OLAH: variants seen among roughly 807,000 people sequenced by gnomAD.
OLAH encodes the protein S-acyl fatty acid synthase thioesterase, medium chain.
Under a neutral mutation model 27.8 loss-of-function variants are expected in OLAH, and 33 were observed. The ratio of observed to expected loss-of-function variants is 1.19; its 90% CI spans 0.90 to 1.59. The LOEUF (loss-of-function observed/expected upper bound fraction) is 1.59. Ranked by LOEUF, OLAH falls within the 40% of genes most tolerant of loss-of-function variation. The probability of loss-of-function intolerance (pLI) is 0.00; values close to 1 mark genes in which losing one functional copy is unlikely to be tolerated. For missense variants in OLAH, 359 were observed against 310.8 expected (o/e 1.16, Z -1.17); for synonymous variants, 120 against 102.9 (o/e 1.17, Z -1.01).
intron 3 of OLAH, chr10:15,057,006 T>C: frequency 1.4e-6 from 2 of 1,388,314 alleles, no homozygotes; most frequent in South Asian, 1.7e-5. Flanking sequence ...GTTGAAAATG[T>C]CTTCTAGTTT....
intron 3 of OLAH, 93 bp from the exon 4 acceptor site, chr10:15,061,631 A>T (rs894237058): frequency 5.6e-6 from 7 of 1,244,842 alleles, no homozygotes; most frequent in Non-Finnish European, 5.3e-6. Flanking sequence ...TTTCTTTGAA[A>T]TTTTTTCCAT....
chr10:15,051,847 C>T (rs1015114984), intron 3 of OLAH, among the ~76,000 whole-genome samples: 3 of 152,086 alleles, frequency 2.0e-5, no homozygotes, highest in Non-Finnish European at 4.4e-5. Flanking sequence ...GTAAACGGCC[C>T]AATAGTAAAT....
chr10:15,043,096 G>A (rs972770373), upstream of OLAH, among the ~76,000 whole-genome samples: 9 of 151,858 alleles, frequency 5.9e-5, no homozygotes, highest in Non-Finnish European at 1.2e-4. Flanking sequence ...TCCTGACCTT[G>A]TGATCCACCC....
At position 15,073,699 on chromosome 10, in the gene OLAH, T is replaced by C. The variant is rs976421341; in HGVS notation, c.*470T>C. The C allele has an allele frequency of 1.3e-5, 2 of 152,026 alleles. No individual in the cohort carries two copies. The highest frequency in any genetic ancestry group is 2.9e-5 in the Non-Finnish European group (2 of 68,012). The allele number at this position is 152,026 out of a possible 1,614,324, so 9.4% of individuals were successfully genotyped here. A position where few individuals can be genotyped will look rare whatever the true frequency, so the allele number is the denominator to read the frequency against. On this transcript the variant is annotated 3_prime_UTR_variant, in exon 8 of 8. Transcript: ENST00000378228. ...AAAAAATACTTCTGGCAGAGTCTTTTATCTTCCTATTAAAATCTCACTTGA... is the reference window on the plus strand; with the variant it reads ...AAAAAATACTTCTGGCAGAGTCTTTCATCTTCCTATTAAAATCTCACTTGA...
intron 6 of OLAH, among the ~76,000 whole-genome samples, 199 bp downstream of exon 6, chr10:15,065,952 C>G (rs1231743010): frequency 1.3e-5 from 2 of 152,072 alleles, no homozygotes; most frequent in Non-Finnish European, 2.9e-5. Flanking sequence ...TAAAAGATGT[C>G]TAGCATGGCC....
intron 6 of OLAH, among the ~76,000 whole-genome samples, chr10:15,069,422 C>G (rs1327929522): frequency 6.6e-6 from 1 of 152,216 alleles, no homozygotes; most frequent in Non-Finnish European, 1.5e-5. Context: ...CAGCTTAAGG[C>G]TTCTGCTTAC....
chr10:15,072,201 G>C (rs1036712725), intron 7 of OLAH, among the ~76,000 whole-genome samples: 3 of 151,828 alleles, frequency 2.0e-5, no homozygotes, highest in Admixed American at 6.6e-5. Context: ...CAAAGTGCTG[G>C]GATTATAGGC....
upstream of OLAH, among the ~76,000 whole-genome samples, chr10:15,043,397 T>C (rs555713810): frequency 2.1e-4 from 32 of 152,130 alleles, no homozygotes; most frequent in South Asian, 1.0e-3. Flanking sequence ...TAAAACAGCC[T>C]CTTAACTTGA....
At chr10:15,042,918 T>A (rs1379556341), upstream of OLAH, among the ~76,000 whole-genome samples, 1 of 133,566 alleles carries the variant, frequency 7.5e-6, no homozygotes, top group African/African-American at 2.8e-5. Flanking sequence ...TGGAGTGCAG[T>A]GGCGTGATCT....
intron 2 of OLAH, 144 bp from the exon 3 acceptor site, chr10:15,049,491 C>T: frequency 2.0e-6 from 1 of 512,562 alleles, no homozygotes; most frequent in African/African-American, 2.0e-5. Flanking sequence ...TTTGCCCTTT[C>T]TTATTGGAAA....
chr10:15,071,738 A>G, intron 6 of OLAH, 57 bp from the exon 7 acceptor site: 10 of 1,517,242 alleles, frequency 6.6e-6, no homozygotes, highest in Non-Finnish European at 9.1e-6. Flanking sequence ...AGGAACAGGA[A>G]AAGATTCTGG....
intron 1 of OLAH, chr10:15,038,579 C>G (rs985857528): frequency 2.6e-5 from 4 of 152,096 alleles, no homozygotes; most frequent in Admixed American, 1.3e-4. Flanking sequence ...AACGGGAGTT[C>G]CCCTGTGCAA....
chr10:15,044,049 C>T (rs940021952), intron 1 of OLAH, 63 bp downstream of exon 1: 2 of 152,146 alleles, frequency 1.3e-5, no homozygotes, highest in Non-Finnish European at 2.9e-5. Context: ...AGATATGTCT[C>T]ATATGCACAG....
chr10:15,041,698 C>G (rs554702922), upstream of OLAH, among the ~76,000 whole-genome samples: 1 of 151,922 alleles, frequency 6.6e-6, no homozygotes, highest in Admixed American at 6.6e-5. Flanking sequence ...GCCTCAGCCT[C>G]CTGTGTAGCT....
chr10:15,072,242 AT>A (rs1049301827), intron 7 of OLAH, among the ~76,000 whole-genome samples: 2,970 of 151,260 alleles, frequency 0.02, 32 homozygotes, highest in African/African-American at 0.034. Flanking sequence ...AGCTTTTAAA[AT>A]TTTTTTTTTT....
intron 3 of OLAH, among the ~76,000 whole-genome samples, chr10:15,051,108 C>T (rs1296835585): frequency 7.4e-6 from 1 of 135,814 alleles, no homozygotes; most frequent in Non-Finnish European, 1.5e-5. Context: ...TGGAGTCTTG[C>T]TCTGTCTCCC....
At chr10:15,067,018 T>TA (rs1844482284) in intron 6 of OLAH, among the ~76,000 whole-genome samples, 1 of 152,236 alleles carries the variant, frequency 6.6e-6, no homozygotes, top group Non-Finnish European at 1.5e-5. Flanking sequence ...AAGTAGATTT[T>TA]ACCTGTGCAC....
chr10:15,053,581 C>A (rs1844186870), intron 3 of OLAH, among the ~76,000 whole-genome samples: 1 of 152,172 alleles, frequency 6.6e-6, no homozygotes, highest in Non-Finnish European at 1.5e-5. Flanking sequence ...AGAAGGGATG[C>A]AACCCCCCGA....
At chr10:15,059,006 T>C (rs182571163) in intron 3 of OLAH, among the ~76,000 whole-genome samples, 1,647 of 108,000 alleles carry the variant, frequency 0.015, 14 homozygotes, top group Non-Finnish European at 0.022. Context: ...CCTCTCTCCT[T>C]CCCTCTCTCC....
Sources: gnomAD v4.1 joint callset for allele counts (sites outside exome capture counted in the v4.1 genomes callset) on GRCh38, gnomAD v4.1.1 for gene constraint, MANE v1.5 for transcripts, NCBI Gene and HGNC (gene_info 2026-07-23, HGNC 2026-07-21) for gene names.